NRXN1: variants seen among roughly 807,000 people sequenced by gnomAD.
NRXN1 encodes neurexin 1.
NRXN1 carries 39 observed loss-of-function variants against 150.9 expected under a neutral mutation model. That is an observed-to-expected ratio of 0.26 (90% CI 0.20 to 0.34). The LOEUF is 0.34. Among genes scored for constraint, NRXN1 ranks in the 10% least tolerant of loss-of-function variants. The pLI, the probability that NRXN1 is intolerant of heterozygous loss-of-function variation, is 1.00. For synonymous variants in NRXN1, 924 were observed against 757.0 expected (o/e 1.22, Z -3.62); for missense variants, 1,815 against 1,949.9 (o/e 0.93, Z 1.30).
chr2:50,535,111 C>A (rs1048949946), intron 10 of NRXN1, among the ~76,000 whole-genome samples: 1 of 152,060 alleles, frequency 6.6e-6, no homozygotes, highest in African/African-American at 2.4e-5. Context: ...TTTAATTAGA[C>A]AAGAAATGGA....
chr2:51,028,378 G>C lies in NRXN1; in HGVS notation c.-105C>G. On this transcript the variant is annotated 5_prime_UTR_variant, in exon 2 of 23. Coordinates refer to ENST00000401669, the MANE Select transcript of NRXN1 (RefSeq NM_001330078.2). The stretch of plus-strand genomic sequence containing the variant: ...GGGTCCCGAGAGACAGAAAGGTAAG[G>C]GGAAAGGCGGGAGTGAGAGGGATGT... 1.4e-6 allele frequency: 1 copy of C among 718,472 alleles called. No individual in the cohort carries two copies. Among genetic ancestry groups the C allele is most frequent in the East Asian group, 3.0e-5 (1 of 33,766 alleles). 44.5% of individuals were successfully genotyped at this position (718,472 alleles called of 1,614,324 possible).
intron 5 of NRXN1, among the ~76,000 whole-genome samples, chr2:50,713,356 T>A (rs905302425): frequency 6.6e-6 from 1 of 151,710 alleles, no homozygotes; most frequent in Admixed American, 6.6e-5. Flanking sequence ...TAGCCCTGGA[T>A]CCATTTGGTA....
intron 5 of NRXN1, among the ~76,000 whole-genome samples, chr2:50,877,135 C>T (rs1235672292): frequency 3.3e-5 from 5 of 151,538 alleles, no homozygotes; most frequent in African/African-American, 1.2e-4. Context: ...TAATGATGTG[C>T]TTGATGTAAT....
intron 9 of NRXN1, among the ~76,000 whole-genome samples, chr2:50,551,043 AGG>A (rs1491320451): frequency 2.1e-4 from 22 of 107,100 alleles, no homozygotes; most frequent in African/African-American, 5.2e-4. Flanking sequence ...GAAGAGGAAG[AGG>A]AAGAGGAAGA....
intron 5 of NRXN1, among the ~76,000 whole-genome samples, chr2:50,637,078 G>A (rs1189694477): frequency 6.6e-6 from 1 of 151,952 alleles, no homozygotes; most frequent in African/African-American, 2.4e-5. Flanking sequence ...CTTTATGGTT[G>A]GTGCTATATG....
chr2:50,929,000 A>T (rs2104369573), intron 2 of NRXN1, among the ~76,000 whole-genome samples: 1 of 152,128 alleles, frequency 6.6e-6, no homozygotes, highest in Admixed American at 6.6e-5. Context: ...TTCAGATAGG[A>T]TGGGCTTCTC....
At chr2:50,132,067 T>C (rs909776803) in intron 18 of NRXN1, among the ~76,000 whole-genome samples, 1 of 152,204 alleles carries the variant, frequency 6.6e-6, no homozygotes, top group African/African-American at 2.4e-5. Flanking sequence ...CCAGGTGCCA[T>C]GTGCTGTTTA....
chr2:49,935,519 G>A (rs949823616), intron 22 of NRXN1, among the ~76,000 whole-genome samples: 1 of 152,100 alleles, frequency 6.6e-6, no homozygotes, highest in African/African-American at 2.4e-5. Flanking sequence ...TTGTTTATGA[G>A]TAAGGAGTAA....
intron 19 of NRXN1, among the ~76,000 whole-genome samples, chr2:50,059,072 G>A (rs1010694423): frequency 1.3e-5 from 2 of 152,208 alleles, no homozygotes; most frequent in Non-Finnish European, 2.9e-5. Flanking sequence ...GGCAGAGGAT[G>A]TAACAGTTTG....
chr2:50,501,572 G>A (rs777863890), intron 13 of NRXN1, among the ~76,000 whole-genome samples: 4 of 152,004 alleles, frequency 2.6e-5, no homozygotes, highest in Non-Finnish European at 4.4e-5. Flanking sequence ...GAATGATGAT[G>A]CCTGGCTTTC....
At chr2:50,557,760 A>T (rs1668467702) in intron 8 of NRXN1, among the ~76,000 whole-genome samples, 2 of 152,208 alleles carry the variant, frequency 1.3e-5, no homozygotes, top group South Asian at 4.1e-4. Context: ...CATTGAATTG[A>T]TGGAGCTACA....
chr2:50,128,783 G>T (rs943523971), intron 18 of NRXN1, among the ~76,000 whole-genome samples: 4 of 151,974 alleles, frequency 2.6e-5, no homozygotes, highest in African/African-American at 9.7e-5. Context: ...AGGAGTTTGA[G>T]ACCAGCCTGG....
intron 5 of NRXN1, among the ~76,000 whole-genome samples, chr2:50,634,856 G>A (rs1465955873): frequency 7.9e-5 from 12 of 152,048 alleles, no homozygotes; most frequent in Admixed American, 7.9e-4. Flanking sequence ...CTGCTTCTCT[G>A]GTTCACCCTT....
chr2:50,057,155 C>G (rs773395886), intron 19 of NRXN1, among the ~76,000 whole-genome samples: 3 of 152,096 alleles, frequency 2.0e-5, no homozygotes, highest in Admixed American at 6.6e-5. Flanking sequence ...ATCTCAGACC[C>G]TTAGTGAAAT....
At chr2:50,264,703 T>G (rs867783998) in intron 17 of NRXN1, among the ~76,000 whole-genome samples, 1 of 152,142 alleles carries the variant, frequency 6.6e-6, no homozygotes. Context: ...AACACAGTTA[T>G]ATGTCAATTT....
At chr2:50,270,677 T>G (rs1227635384) in intron 17 of NRXN1, among the ~76,000 whole-genome samples, 1 of 151,622 alleles carries the variant, frequency 6.6e-6, no homozygotes, top group Non-Finnish European at 1.5e-5. Flanking sequence ...GATATAGTTT[T>G]TTTTTTTTTT....
chr2:50,358,616 G>T (rs566717873), intron 17 of NRXN1, among the ~76,000 whole-genome samples: 42 of 152,326 alleles, frequency 2.8e-4, no homozygotes, highest in Middle Eastern at 3.4e-3. Context: ...ATCTCCCTGG[G>T]ATAGAACACA....
chr2:49,978,039 G>A (rs1679294532), intron 21 of NRXN1, among the ~76,000 whole-genome samples: 1 of 152,030 alleles, frequency 6.6e-6, no homozygotes, highest in Non-Finnish European at 1.5e-5. Flanking sequence ...GCAGGTGCCT[G>A]TAATCCCAGC....
chr2:50,797,035 G>C (rs1251766491), intron 5 of NRXN1, among the ~76,000 whole-genome samples: 1 of 152,056 alleles, frequency 6.6e-6, no homozygotes, highest in Non-Finnish European at 1.5e-5. Context: ...TTTTATAAGA[G>C]CACGAATCCT....
Sources: allele counts gnomAD v4.1 joint callset (sites outside exome capture counted in the v4.1 genomes callset), GRCh38; gene constraint gnomAD v4.1.1; transcripts MANE v1.5; gene names NCBI Gene and HGNC (gene_info 2026-07-23, HGNC 2026-07-21).